OAS1: variants seen among roughly 807,000 people sequenced by gnomAD.
The protein encoded by OAS1 is 2'-5'-oligoadenylate synthetase 1, also known as 2'-5'-oligoadenylate synthase 1.
OAS1 carries 24 observed loss-of-function variants against 38.5 expected under a neutral mutation model. The ratio of observed to expected loss-of-function variants is 0.62; its 90% CI spans 0.45 to 0.88. OAS1 has a LOEUF of 0.88. Ranked by LOEUF, OAS1 falls within the 40% of genes least tolerant of loss-of-function variation. The pLI, the probability that OAS1 is intolerant of heterozygous loss-of-function variation, is 0.00. For synonymous variants in OAS1, 169 were observed against 193.9 expected, an observed-to-expected ratio of 0.87 and a Z score of 1.07; for missense variants, 482 against 493.9, an observed-to-expected ratio of 0.98 and a Z score of 0.23.
At chr12:112,931,886 C>T (rs2043599303) in exon 7 of OAS1, 1 of 683,798 alleles carries the variant, frequency 1.5e-6, no homozygotes, top group Non-Finnish European at 2.6e-6. Context: ...AGGTAAACCT[C>T]ACACTGGTTG....
intron 2 of OAS1, among the ~76,000 whole-genome samples, chr12:112,909,567 T>C (rs562359248): frequency 6.6e-6 from 1 of 152,318 alleles, no homozygotes; most frequent in Non-Finnish European, 1.5e-5. Flanking sequence ...ACGCTGAGAC[T>C]GAACGATCAC....
At chr12:112,923,809 G>C (rs1474636798), downstream of OAS1, among the ~76,000 whole-genome samples, 1 of 152,148 alleles carries the variant, frequency 6.6e-6, no homozygotes, top group Non-Finnish European at 1.5e-5. Flanking sequence ...ATACACAATG[G>C]GGAAAGGACA....
intron 1 of OAS1, among the ~76,000 whole-genome samples, chr12:112,908,079 A>C (rs1456359396): frequency 6.6e-6 from 1 of 152,236 alleles, no homozygotes; most frequent in Non-Finnish European, 1.5e-5. Flanking sequence ...CGCCAGTTTC[A>C]GGCAGGCCGC....
At chr12:112,919,343 A>G in intron 5 of OAS1, 46 bp from the exon 6 acceptor site, 2 of 1,534,998 alleles carry the variant, frequency 1.3e-6, no homozygotes, top group Non-Finnish European at 1.8e-6. Context: ...ATCCAGCTGC[A>G]ATGCAGGAAG....
intron 5 of OAS1, chr12:112,917,970 C>T: frequency 7.2e-7 from 1 of 1,379,380 alleles, no homozygotes; most frequent in Non-Finnish European, 9.4e-7. Flanking sequence ...CTGCTTCGGG[C>T]TCAGGTTCTG....
chr12:112,914,612 T>G (rs1206812068), intron 3 of OAS1, among the ~76,000 whole-genome samples: 1 of 152,178 alleles, frequency 6.6e-6, no homozygotes, highest in Non-Finnish European at 1.5e-5. Context: ...CTATTATTGT[T>G]TGATTTTTTA....
chr12:112,919,316 C>A, intron 5 of OAS1, 73 bp from the exon 6 acceptor site: 1 of 1,364,602 alleles, frequency 7.3e-7, no homozygotes. Flanking sequence ...ACAGTGTCTA[C>A]CGTAAATGCT....
At chr12:112,907,428 A>G (rs1344817601) in intron 1 of OAS1, among the ~76,000 whole-genome samples, 6 of 152,208 alleles carry the variant, frequency 3.9e-5, no homozygotes, top group Non-Finnish European at 7.3e-5. Flanking sequence ...CTACATCCCT[A>G]TTATTAACAA....
At chr12:112,907,746 A>G (rs2043316190) in intron 1 of OAS1, 2 of 153,074 alleles carry the variant, frequency 1.3e-5, no homozygotes, top group African/African-American at 4.8e-5. Flanking sequence ...TTAGTACCCA[A>G]GGTTCTTTGT....
rs754872011 is a variant in OAS1 at position 112,907,182 on chromosome 12, G to A, written c.143G>A (p.Gly48Asp). Residue 48 changes from glycine (G) to aspartate (D), a missense_variant, in exon 1 of 6, where the codon GGT becomes GAT. By Grantham distance (94) the Gly-to-Asp change is moderately conservative (BLOSUM62 -1). Transcript: ENST00000202917. ...TTCCTGAAGGAAAGGTGCTTCCGAG[G>A]TAGCTCCTACCCTGTGTGTGTGTCC... ...CGFLKERCFR[G>D]SSYPVCVSKV... 3 of 1,614,058 alleles carry A rather than the reference G, an allele frequency of 1.9e-6. No individual in the cohort carries two copies. In the African/African-American group the frequency reaches 4.0e-5, roughly 22 times the overall value.
intron 6 of OAS1, among the ~76,000 whole-genome samples, chr12:112,926,419 C>T (rs575404653): frequency 2.0e-5 from 3 of 152,096 alleles, no homozygotes; most frequent in Admixed American, 6.5e-5. Flanking sequence ...CCCCAAGTGT[C>T]GGCTGGTCTG....
chr12:112,915,081 T>C (rs1183514257), intron 3 of OAS1, among the ~76,000 whole-genome samples: 1 of 152,220 alleles, frequency 6.6e-6, no homozygotes, highest in African/African-American at 2.4e-5. Flanking sequence ...CTGTTAACTC[T>C]GCTAATTATT....
chr12:112,915,056 C>T (rs1266606480), intron 3 of OAS1, among the ~76,000 whole-genome samples: 1 of 151,986 alleles, frequency 6.6e-6, no homozygotes, highest in Non-Finnish European at 1.5e-5. Context: ...GATTTTCTCC[C>T]ATTCTGTGGG....
intron 2 of OAS1, among the ~76,000 whole-genome samples, chr12:112,910,742 A>G (rs1433219907): frequency 6.6e-6 from 1 of 152,212 alleles, no homozygotes; most frequent in African/African-American, 2.4e-5. Flanking sequence ...TTAAAATTCC[A>G]GATGTTATGG....
intron 1 of OAS1, 111 bp from the exon 2 acceptor site, chr12:112,908,425 G>A: frequency 2.0e-6 from 2 of 978,684 alleles, no homozygotes; most frequent in East Asian, 2.6e-5. Context: ...GACATGCAAT[G>A]CCTTCAGAAC....
intron 5 of OAS1, chr12:112,918,237 C>T (rs1238955955): frequency 4.7e-5 from 9 of 191,180 alleles, no homozygotes; most frequent in Non-Finnish European, 5.5e-5. Flanking sequence ...TCTATTGTTC[C>T]CATCTTTAGC....
chr12:112,921,728 T>G (rs908003276), downstream of OAS1, among the ~76,000 whole-genome samples: 3 of 152,226 alleles, frequency 2.0e-5, no homozygotes, highest in Non-Finnish European at 4.4e-5. Context: ...CTATACCAGC[T>G]GCAGAGCCCT....
At chr12:112,907,782 A>G (rs567680636) in intron 1 of OAS1, 3 of 152,756 alleles carry the variant, frequency 2.0e-5, no homozygotes, top group East Asian at 3.9e-4. Flanking sequence ...ATTAAGGAAC[A>G]TGGACACAAA....
chr12:112,918,662 T>A (rs957457015), intron 5 of OAS1: 1 of 455,638 alleles, frequency 2.2e-6, no homozygotes, highest in Non-Finnish European at 4.4e-6. Flanking sequence ...GTGGTGGAAA[T>A]GGAATTCAAG....
Sources: gnomAD v4.1 joint callset for allele counts (sites outside exome capture counted in the v4.1 genomes callset) on GRCh38, gnomAD v4.1.1 for gene constraint, MANE v1.5 for transcripts, NCBI Gene and HGNC (gene_info 2026-07-23, HGNC 2026-07-21) for gene names.